GRB10: variants seen among roughly 807,000 people sequenced by gnomAD.
The protein encoded by GRB10 is growth factor receptor bound protein 10.
In GRB10, 20 loss-of-function variants were observed where a neutral mutation model predicts 80.9. The ratio of observed to expected loss-of-function variants is 0.25; its 90% confidence interval spans 0.17 to 0.36. The LOEUF (loss-of-function observed/expected upper bound fraction) is 0.36. Ranked by LOEUF, GRB10 falls within the 10% of genes least tolerant of loss-of-function variation. The probability of loss-of-function intolerance (pLI) is 1.00; values close to 1 mark genes in which losing one functional copy is unlikely to be tolerated. For synonymous variants in GRB10, 291 were observed against 291.5 expected, an observed-to-expected ratio of 1.00 and a Z score of 0.02; for missense variants, 548 against 747.7, an observed-to-expected ratio of 0.73 and a Z score of 3.12.
At chr7:50,772,331 C>T (rs778847952) in intron 2 of GRB10, among the ~76,000 whole-genome samples, 4 of 152,214 alleles carry the variant, frequency 2.6e-5, no homozygotes, top group Non-Finnish European at 4.4e-5. Context: ...CCCCAGCCAC[C>T]TCGTTCTGGT....
At chr7:50,629,128 A>G (rs539259240) in intron 7 of GRB10, among the ~76,000 whole-genome samples, 8 of 152,174 alleles carry the variant, frequency 5.3e-5, no homozygotes, top group South Asian at 2.1e-4. Flanking sequence ...GAGTCTCTCA[A>G]TGAGCTTATC....
intron 1 of GRB10, chr7:50,793,163 G>A (rs2079009134): frequency 6.9e-6 from 1 of 145,192 alleles, no homozygotes; most frequent in Admixed American, 6.8e-5. Flanking sequence ...GCCGTCCCGG[G>A]CCCCGCGGGG....
intron 6 of GRB10, among the ~76,000 whole-genome samples, chr7:50,670,190 A>G (rs2060213517): frequency 6.6e-6 from 1 of 152,176 alleles, no homozygotes; most frequent in Non-Finnish European, 1.5e-5. Flanking sequence ...TCACAAAACC[A>G]GAGACACTGT....
rs553831052 is a variant in GRB10 at position 50,744,276 on chromosome 7, A to C, written c.-47+11611T>G. 3.3e-5 allele frequency among the ~76,000 whole-genome samples: 5 copies of C among 152,352 alleles called. No individual in the cohort carries two copies. In the South Asian group the frequency reaches 1.0e-3, roughly 32 times the overall value. On this transcript the variant is annotated intron_variant, in intron 3 of 18. Transcript: ENST00000401949. ...GGCCGGCAGGCTGGAGTCAAAGAAA[A>C]GGACGGCAGGGAGGGAGCAGTATCA...
intron 2 of GRB10, among the ~76,000 whole-genome samples, chr7:50,772,727 G>C (rs1425878267): frequency 6.6e-6 from 1 of 152,128 alleles, no homozygotes; most frequent in Non-Finnish European, 1.5e-5. Flanking sequence ...GACACCAACA[G>C]CACAGGCAAC....
intron 4 of GRB10, among the ~76,000 whole-genome samples, chr7:50,721,020 C>T (rs1219053376): frequency 1.3e-5 from 2 of 152,078 alleles, no homozygotes; most frequent in South Asian, 2.1e-4. Flanking sequence ...AAACGCCCTG[C>T]TTCATTGAAA....
chr7:50,688,998 G>A (rs1245270789), intron 5 of GRB10, among the ~76,000 whole-genome samples: 2 of 152,184 alleles, frequency 1.3e-5, no homozygotes, highest in African/African-American at 4.8e-5. Context: ...GCTCCTGCTG[G>A]AGGGTGGAGG....
intron 3 of GRB10, among the ~76,000 whole-genome samples, chr7:50,734,208 C>A (rs1050234058): frequency 6.6e-6 from 1 of 152,156 alleles, no homozygotes; most frequent in African/African-American, 2.4e-5. Flanking sequence ...CTCCTGCGGG[C>A]AGCCAGGCGG....
At chr7:50,730,129 T>A (rs1357127999) in intron 4 of GRB10, among the ~76,000 whole-genome samples, 1 of 152,194 alleles carries the variant, frequency 6.6e-6, no homozygotes, top group Non-Finnish European at 1.5e-5. Context: ...TTATGATGTG[T>A]CACATTCTAA....
At chr7:50,759,409 C>T (rs565733652) in intron 2 of GRB10, among the ~76,000 whole-genome samples, 18 of 152,156 alleles carry the variant, frequency 1.2e-4, no homozygotes, top group Middle Eastern at 3.4e-3. Context: ...GCACCTATGG[C>T]GGATCGGTTC....
chr7:50,776,585 A>C (rs1483802324), intron 2 of GRB10, among the ~76,000 whole-genome samples: 5 of 152,154 alleles, frequency 3.3e-5, no homozygotes, highest in Non-Finnish European at 7.3e-5. Context: ...ACTGTAAGCA[A>C]TTAAGAGAAG....
intron 8 of GRB10, among the ~76,000 whole-genome samples, chr7:50,624,424 C>T (rs1394586362): frequency 6.6e-6 from 1 of 152,230 alleles, no homozygotes; most frequent in Non-Finnish European, 1.5e-5. Context: ...CCTGCATTTT[C>T]TCACTAATGA....
chr7:50,667,508 C>T (rs911536845), intron 7 of GRB10, among the ~76,000 whole-genome samples: 16 of 152,134 alleles, frequency 1.1e-4, no homozygotes, highest in African/African-American at 3.9e-4. Context: ...CTTTGCCCAG[C>T]ACCATCCCCC....
chr7:50,745,591 A>G lies in GRB10; in HGVS notation c.-47+10296T>C, dbSNP rs2072753190. ...GGGAAGGAAAAGCAAAACCACTCAG[A>G]TCTGTCTTTGCCGCCTAAAAATAGT... On this transcript the variant is annotated intron_variant, in intron 3 of 18. Transcript: ENST00000401949. 2.0e-5 allele frequency among the ~76,000 whole-genome samples: 3 copies of G among 152,354 alleles called. No homozygotes were observed. In the South Asian group the frequency reaches 6.2e-4, roughly 32 times the overall value.
intron 13 of GRB10, among the ~76,000 whole-genome samples, chr7:50,608,603 A>G (rs977869821): frequency 1.3e-5 from 2 of 152,240 alleles, no homozygotes; most frequent in Non-Finnish European, 2.9e-5. Context: ...AATGGAGTGA[A>G]AGGTCCTCAT....
chr7:50,739,668 T>C (rs1236201989), intron 3 of GRB10, among the ~76,000 whole-genome samples: 1 of 152,228 alleles, frequency 6.6e-6, no homozygotes, highest in African/African-American at 2.4e-5. Context: ...CGGTAACAGG[T>C]TGAAACCTAC....
chr7:50,749,281 A>G (rs1473790769), intron 3 of GRB10, among the ~76,000 whole-genome samples: 5 of 150,884 alleles, frequency 3.3e-5, no homozygotes, highest in Non-Finnish European at 5.9e-5. Flanking sequence ...GGCACTCACC[A>G]CCATGCCCAG....
intron 13 of GRB10, among the ~76,000 whole-genome samples, chr7:50,611,200 A>C (rs1170999370): frequency 6.6e-6 from 1 of 151,996 alleles, no homozygotes; most frequent in Non-Finnish European, 1.5e-5. Context: ...AAATATTCCA[A>C]TTTTTCCTGT....
intron 7 of GRB10, among the ~76,000 whole-genome samples, chr7:50,647,467 G>A (rs2057369372): frequency 1.3e-5 from 2 of 152,230 alleles, no homozygotes; most frequent in Admixed American, 6.5e-5. Flanking sequence ...CAGTCACTGA[G>A]CAGATGCTCC....
Sources: allele counts gnomAD v4.1 joint callset (sites outside exome capture counted in the v4.1 genomes callset), GRCh38; gene constraint gnomAD v4.1.1; transcripts MANE v1.5; gene names NCBI Gene and HGNC (gene_info 2026-07-23, HGNC 2026-07-21).